PCDH7: variants seen among roughly 807,000 people sequenced by gnomAD.
The protein encoded by PCDH7 is protocadherin 7.
A neutral mutation model predicts 58.9 loss-of-function variants in PCDH7; 17 were observed. That is an observed-to-expected ratio of 0.29 (90% CI 0.20 to 0.43). The LOEUF (loss-of-function observed/expected upper bound fraction) is 0.43. Among genes scored for constraint, PCDH7 ranks in the 20% least tolerant of loss-of-function variants. The pLI is 1.00. For synonymous variants in PCDH7, 664 were observed against 616.4 expected, an observed-to-expected ratio of 1.08 and a Z score of -1.14; for missense variants, 1,274 against 1,441.0, an observed-to-expected ratio of 0.88 and a Z score of 1.88.
intron 2 of PCDH7, among the ~76,000 whole-genome samples, chr4:30,922,880 G>A (rs1355636423): frequency 1.3e-5 from 2 of 152,014 alleles, no homozygotes; most frequent in African/African-American, 4.8e-5. Flanking sequence ...AAATTTGTTG[G>A]GTCCGTGTTT....
At chr4:31,066,306 T>C (rs115138889) in intron 3 of PCDH7, among the ~76,000 whole-genome samples, 2,901 of 152,084 alleles carry the variant, frequency 0.019, 83 homozygotes, top group African/African-American at 0.067. Flanking sequence ...AGCTTGATAT[T>C]GTGTAATATG....
intron 1 of PCDH7, among the ~76,000 whole-genome samples, chr4:30,889,205 C>A (rs896566667): frequency 3.3e-5 from 5 of 149,364 alleles, no homozygotes; most frequent in African/African-American, 1.2e-4. Context: ...TTTAAGTTAC[C>A]AAGAGTTAAC....
At chr4:30,808,525 T>G (rs1168676485) in intron 1 of PCDH7, among the ~76,000 whole-genome samples, 1 of 152,206 alleles carries the variant, frequency 6.6e-6, no homozygotes, top group Non-Finnish European at 1.5e-5. Context: ...AGTCTCCTTT[T>G]TAATGATATT....
intron 1 of PCDH7, among the ~76,000 whole-genome samples, chr4:30,818,206 G>A (rs1456089846): frequency 6.6e-6 from 1 of 152,048 alleles, no homozygotes; most frequent in South Asian, 2.1e-4. Context: ...CCCCAAACCC[G>A]ATTCTTCTTC....
At chr4:31,024,522 A>C (rs1754275796) in intron 3 of PCDH7, among the ~76,000 whole-genome samples, 1 of 152,190 alleles carries the variant, frequency 6.6e-6, no homozygotes, top group Admixed American at 6.5e-5. Context: ...ACATAAATAA[A>C]TATTAGAATC....
At chr4:30,981,331 T>G (rs905179314) in intron 3 of PCDH7, among the ~76,000 whole-genome samples, 20 of 152,324 alleles carry the variant, frequency 1.3e-4, no homozygotes, top group Admixed American at 9.2e-4. Context: ...TTGTATCACT[T>G]GAAGGCTTTA....
At position 30,747,031 on chromosome 4, in the gene PCDH7, A is replaced by G; in HGVS notation, c.70+22435A>G. Among the ~76,000 whole-genome samples, 2 of 152,204 alleles carry G rather than the reference A, an allele frequency of 1.3e-5. 1 individual carries two copies. Among genetic ancestry groups the G allele is most frequent in the Non-Finnish European group, 2.9e-5 (2 of 68,032 alleles). On this transcript the variant is annotated intron_variant, in intron 1 of 3. Transcript: ENST00000509759. ...ATAATGAATCATTTGAACAAGATAT[A>G]TGAAGTCTCTTAATACTTTAAGTAT...
chr4:30,923,161 A>C (rs887877103), intron 2 of PCDH7, among the ~76,000 whole-genome samples: 1 of 152,064 alleles, frequency 6.6e-6, no homozygotes, highest in African/African-American at 2.4e-5. Flanking sequence ...TACCTCAAAC[A>C]TTTTTCTTGA....
chr4:30,936,053 AGTG>A (rs1745301879), intron 2 of PCDH7, among the ~76,000 whole-genome samples: 1 of 152,128 alleles, frequency 6.6e-6, no homozygotes, highest in Non-Finnish European at 1.5e-5. Context: ...AACAACGTGA[AGTG>A]GATAACCTAT....
chr4:30,910,282 T>G (rs1741554581), intron 1 of PCDH7, among the ~76,000 whole-genome samples: 1 of 152,100 alleles, frequency 6.6e-6, no homozygotes, highest in Admixed American at 6.5e-5. Context: ...ACTTCATGAC[T>G]AAAACACCAA....
At chr4:31,055,879 G>C (rs538316781) in intron 3 of PCDH7, among the ~76,000 whole-genome samples, 28 of 152,110 alleles carry the variant, frequency 1.8e-4, no homozygotes, top group African/African-American at 6.7e-4. Context: ...CCTGCACCCA[G>C]CCATATAAAG....
Position 30,721,266 on chromosome 4 carries a change from T to G in PCDH7, c.-157T>G, listed in dbSNP as rs1713459976. On this transcript the variant is annotated 5_prime_UTR_variant, in exon 1 of 2. Transcript: ENST00000361762. This position sits in a 1 kb window ranked among gnomAD's most constrained non-coding sequence, Gnocchi z 6.7. ...TCCCACCCCCATTCCCGGCCAACTCTCCACGCCGCTTTTGCCCCCTCCCTC... is the reference window on the plus strand; with the variant it reads ...TCCCACCCCCATTCCCGGCCAACTCGCCACGCCGCTTTTGCCCCCTCCCTC... 1.5e-6 allele frequency: 1 copy of G among 660,370 alleles called. No individual in the cohort carries two copies. Among genetic ancestry groups the G allele is most frequent in the Non-Finnish European group, 2.4e-6 (1 of 408,742 alleles). 40.9% of individuals were successfully genotyped at this position (660,370 alleles called of 1,614,324 possible).
At chr4:30,729,115 A>G (rs889840095) in intron 1 of PCDH7, among the ~76,000 whole-genome samples, 1 of 151,898 alleles carries the variant, frequency 6.6e-6, no homozygotes, top group African/African-American at 2.4e-5. Flanking sequence ...GCCCAGCATG[A>G]AACAGTGACT....
chr4:30,998,275 G>C (rs931501152), intron 3 of PCDH7, among the ~76,000 whole-genome samples: 7 of 152,108 alleles, frequency 4.6e-5, no homozygotes, highest in African/African-American at 1.7e-4. Flanking sequence ...TGATCATCTT[G>C]ATCTCTGGAG....
intron 3 of PCDH7, among the ~76,000 whole-genome samples, chr4:31,137,318 C>T (rs1369527228): frequency 2.0e-5 from 3 of 152,248 alleles, no homozygotes; most frequent in East Asian, 1.9e-4. Context: ...AGCAGAGGCT[C>T]ACGCCTGTAA....
chr4:30,819,451 G>A (rs1560402415), intron 1 of PCDH7, among the ~76,000 whole-genome samples: 1 of 152,130 alleles, frequency 6.6e-6, no homozygotes, highest in Non-Finnish European at 1.5e-5. Flanking sequence ...TGGATTGTGT[G>A]ATTAATTAAG....
rs2109416329 is a variant in PCDH7, at chr4:30,921,676, G to T, written c.287+1307G>T. On this transcript the variant is annotated intron_variant, in intron 2 of 3. Transcript: ENST00000509759. ...GCTATAAAAGCATGCTTATCTGTGT[G>T]TATGGTGGTGTGTGCTTATGTGGAT... Among the ~76,000 whole-genome samples the T allele has an allele frequency of 1.3e-5, 2 of 152,086 alleles. 1 individual carries two copies. Among genetic ancestry groups the T allele is most frequent in the East Asian group, 3.9e-4 (2 of 5,164 alleles).
At chr4:30,817,765 G>A (rs541925617) in intron 1 of PCDH7, among the ~76,000 whole-genome samples, 2 of 152,020 alleles carry the variant, frequency 1.3e-5, no homozygotes, top group Non-Finnish European at 2.9e-5. Context: ...TTTTCTGCCT[G>A]GCAAAGAGTA....
intron 1 of PCDH7, chr4:30,724,886 T>G (rs1010814562): frequency 8.5e-7 from 1 of 1,180,774 alleles, no homozygotes. Flanking sequence ...TCATACTACA[T>G]TTTTTTGTTT....
Sources: allele counts gnomAD v4.1 joint callset (sites outside exome capture counted in the v4.1 genomes callset), GRCh38; gene constraint gnomAD v4.1.1; non-coding constraint Gnocchi (gnomAD v3.1); transcripts MANE v1.5; gene names NCBI Gene and HGNC (gene_info 2026-07-23, HGNC 2026-07-21).